The following PRORP variants were observed in gnomAD, a reference collection of about 807,000 sequenced individuals.
PRORP encodes the protein mitochondrial ribonuclease P catalytic subunit.
Under a neutral mutation model 59.4 loss-of-function variants are expected in PRORP, and 51 were observed. That is an observed-to-expected ratio of 0.86 (90% confidence interval 0.69 to 1.08). PRORP has a LOEUF of 1.08. PRORP is among the 50% of genes least tolerant of loss of function. The pLI is 0.00. For synonymous variants in PRORP, 231 were observed against 245.6 expected (o/e 0.94, Z 0.55); for missense variants, 646 against 690.3 (o/e 0.94, Z 0.72).
chr14:35,245,190 A>C (rs2050454319), intron 5 of PRORP, among the ~76,000 whole-genome samples: 2 of 152,234 alleles, frequency 1.3e-5, no homozygotes, highest in Admixed American at 6.5e-5. Flanking sequence ...GCTTTCCTCC[A>C]GCTTTCAGGA....
At chr14:35,129,203 C>T (rs1428392823) in intron 4 of PRORP, among the ~76,000 whole-genome samples, 1 of 151,238 alleles carries the variant, frequency 6.6e-6, no homozygotes, top group African/African-American at 2.4e-5. Flanking sequence ...AGTGAAACTC[C>T]ATCTCAAAAA....
intron 5 of PRORP, among the ~76,000 whole-genome samples, chr14:35,251,885 A>G (rs1332058532): frequency 1.3e-5 from 2 of 152,066 alleles, no homozygotes; most frequent in African/African-American, 2.4e-5. Context: ...TGACTTGACA[A>G]ATTTTAATAA....
chr14:35,269,850 T>C (rs1193552280), intron 6 of PRORP, among the ~76,000 whole-genome samples: 1 of 152,154 alleles, frequency 6.6e-6, no homozygotes, highest in Non-Finnish European at 1.5e-5. Flanking sequence ...GTGCTAAGGT[T>C]GATGGTCTGT....
rs115777004 is a variant in PRORP, at chr14:35,262,766, C to T, written c.1276-3961C>T. The T allele has an allele frequency of 7.7e-3, 8,582 of 1,120,508 alleles. 331 individuals are homozygous for T. The African/African-American group carries it at 0.097, about 13-fold the overall frequency. The allele number at this position is 1,120,508 out of a possible 1,614,324, so 69.4% of individuals were successfully genotyped here. On this transcript the variant is annotated intron_variant, in intron 5 of 7. Coordinates refer to ENST00000534898, the MANE Select transcript of PRORP (RefSeq NM_014672.4). ...TGTATGCTCACTTCCCCATCAATGT[C>T]GTTATCCAGGAGAATGGGTCTCTTG...
chr14:35,235,565 C>T (rs2050189556), intron 5 of PRORP: 2 of 540,068 alleles, frequency 3.7e-6, no homozygotes, highest in South Asian at 1.8e-5. Flanking sequence ...AACTCCTGCT[C>T]GAAGGACAGG....
At chr14:35,146,810 A>G (rs1019723112) in intron 4 of PRORP, among the ~76,000 whole-genome samples, 1 of 152,180 alleles carries the variant, frequency 6.6e-6, no homozygotes, top group Non-Finnish European at 1.5e-5. Context: ...TTATCTTTCC[A>G]TGGCTGGATA....
chr14:35,185,197 C>T lies in PRORP; in HGVS notation c.1275+4420C>T, dbSNP rs897307139. 1.1e-3 allele frequency among the ~76,000 whole-genome samples: 160 copies of T among 152,236 alleles called. 1 individual carries two copies. Among genetic ancestry groups the T allele is most frequent in the Non-Finnish European group, 3.7e-4 (25 of 68,014 alleles). ...CTCACCAGCATGTATTATTTTTTGA[C>T]TTTTCCATAATAGCCATTCTGACTG... On this transcript the variant is annotated intron_variant, in intron 5 of 7. Coordinates refer to ENST00000534898, the MANE Select transcript of PRORP (RefSeq NM_014672.4).
At chr14:35,261,466 C>A (rs1028126180) in intron 5 of PRORP, among the ~76,000 whole-genome samples, 1 of 152,160 alleles carries the variant, frequency 6.6e-6, no homozygotes, top group African/African-American at 2.4e-5. Context: ...CGCGGTGGCT[C>A]ACGCCTGTAA....
At chr14:35,150,255 C>T (rs777676425) in intron 4 of PRORP, among the ~76,000 whole-genome samples, 3 of 152,134 alleles carry the variant, frequency 2.0e-5, no homozygotes, top group African/African-American at 7.2e-5. Flanking sequence ...TAGAGGCCAT[C>T]GTAGAATTAT....
chr14:35,228,606 C>T (rs1283465631), intron 5 of PRORP, among the ~76,000 whole-genome samples: 3 of 152,212 alleles, frequency 2.0e-5, no homozygotes, highest in Non-Finnish European at 4.4e-5. Context: ...TCGCCTCCGG[C>T]TGCATCCATG....
At chr14:35,148,669 T>TTC (rs1174153683) in intron 4 of PRORP, among the ~76,000 whole-genome samples, 1 of 152,146 alleles carries the variant, frequency 6.6e-6, no homozygotes, top group Non-Finnish European at 1.5e-5. Flanking sequence ...AAGCATTGAC[T>TTC]TCTCTCTAGC....
Position 35,246,927 on chromosome 14 carries a change from G to A in PRORP, c.1276-19800G>A, listed in dbSNP as rs140402111. Among the ~76,000 whole-genome samples the A allele has an allele frequency of 1.7e-3, 266 of 152,174 alleles. 2 individuals carry two copies. The highest frequency in any genetic ancestry group is 6.1e-3 in the African/African-American group (254 of 41,496). ...TGGGAGCTCTAAATTCCCTAATCCCGTCCCGATTGCGTAGTAATAGCTAAC... is the reference window on the plus strand; with the variant it reads ...TGGGAGCTCTAAATTCCCTAATCCCATCCCGATTGCGTAGTAATAGCTAAC... On this transcript the variant is annotated intron_variant, in intron 5 of 7. Transcript: ENST00000534898.
intron 4 of PRORP, among the ~76,000 whole-genome samples, chr14:35,156,864 T>G (rs1014166912): frequency 6.6e-6 from 1 of 152,210 alleles, no homozygotes; most frequent in African/African-American, 2.4e-5. Flanking sequence ...TAGACTTAGG[T>G]GAAAGTTCCT....
intron 5 of PRORP, chr14:35,262,629 G>T (rs983924594): frequency 5.9e-5 from 44 of 746,478 alleles, no homozygotes; most frequent in Non-Finnish European, 1.0e-4. Context: ...GCTCCAGGTT[G>T]ATAAATGGTG....
In PRORP at chr14:35,224,898, G is replaced by T. The variant is rs549840258; in HGVS notation, c.1276-41829G>T. ...TTGACAATGAACTCCTTTTTTTTTT[G>T]GTCACATGTGTTCTGGGATTGTGGA... On this transcript the variant is annotated intron_variant, in intron 5 of 7. Transcript: ENST00000534898. Among the ~76,000 whole-genome samples, 239 of 150,058 alleles carry T rather than the reference G, an allele frequency of 1.6e-3. 2 individuals carry two copies. Among genetic ancestry groups the T allele is most frequent in the African/African-American group, 5.7e-3 (233 of 40,948 alleles).
At chr14:35,175,425 G>A (rs2139014413) in intron 4 of PRORP, among the ~76,000 whole-genome samples, 1 of 152,040 alleles carries the variant, frequency 6.6e-6, no homozygotes, top group Non-Finnish European at 1.5e-5. Context: ...ACTTTTTAAT[G>A]ATCGCCATTC....
chr14:35,211,290 A>G (rs1324914636), intron 5 of PRORP, among the ~76,000 whole-genome samples: 3 of 151,944 alleles, frequency 2.0e-5, no homozygotes, highest in Non-Finnish European at 4.4e-5. Flanking sequence ...CATCTTATTT[A>G]TTTGTTTTTG....
intron 4 of PRORP, among the ~76,000 whole-genome samples, chr14:35,136,437 C>T (rs2047375443): frequency 6.8e-6 from 1 of 148,072 alleles, no homozygotes; most frequent in Non-Finnish European, 1.5e-5. Context: ...TGCAATGGCG[C>T]AATCTCTGCT....
At chr14:35,186,318 G>A (rs1027702124) in intron 5 of PRORP, among the ~76,000 whole-genome samples, 20 of 150,486 alleles carry the variant, frequency 1.3e-4, no homozygotes, top group Non-Finnish European at 2.4e-4. Flanking sequence ...ACTTGGCCAA[G>A]TCATGTCTCA....
Sources: gnomAD v4.1 joint callset for allele counts (sites outside exome capture counted in the v4.1 genomes callset) on GRCh38, gnomAD v4.1.1 for gene constraint, MANE v1.5 for transcripts, NCBI Gene and HGNC (gene_info 2026-07-23, HGNC 2026-07-21) for gene names.